The following MYT1L variants were observed in gnomAD, a reference collection of about 807,000 sequenced individuals.
The protein encoded by MYT1L is myelin transcription factor 1 like, also known as myelin transcription factor 1-like protein.
A neutral mutation model predicts 126.7 loss-of-function variants in MYT1L; 12 were observed. That is an observed-to-expected ratio of 0.09 (90% CI 0.06 to 0.15). The LOEUF is 0.15. Among genes scored for constraint, MYT1L ranks in the 10% least tolerant of loss-of-function variants. The probability of loss-of-function intolerance (pLI) is 1.00; values close to 1 mark genes in which losing one functional copy is unlikely to be tolerated. For synonymous variants in MYT1L, 541 were observed against 604.2 expected (o/e 0.90, Z 1.53); for missense variants, 979 against 1,585.2 (o/e 0.62, Z 6.49).
At chr2:1,985,787 G>C (rs1051794746) in intron 5 of MYT1L, among the ~76,000 whole-genome samples, 1 of 152,322 alleles carries the variant, frequency 6.6e-6, no homozygotes, top group South Asian at 2.1e-4. Flanking sequence ...AGGCCCCCTA[G>C]AGGGGAGCTC....
intron 4 of MYT1L, among the ~76,000 whole-genome samples, chr2:2,003,987 A>AT (rs1310391434): frequency 2.0e-5 from 3 of 150,248 alleles, no homozygotes; most frequent in Admixed American, 6.6e-5. Context: ...TCTTTCCTGC[A>AT]AGCGTTCTTT....
intron 21 of MYT1L, among the ~76,000 whole-genome samples, chr2:1,832,670 G>A (rs994678432): frequency 2.0e-5 from 3 of 152,162 alleles, no homozygotes; most frequent in African/African-American, 7.2e-5. Flanking sequence ...GGCCACCAAG[G>A]TGGTGCATTC....
chr2:2,122,803 G>C (rs573214392), intron 3 of MYT1L, among the ~76,000 whole-genome samples: 17 of 151,048 alleles, frequency 1.1e-4, no homozygotes, highest in Admixed American at 2.6e-4. Flanking sequence ...CTGGTGTTTT[G>C]TACAGAATTG....
chr2:1,903,556 T>C (rs1219873320), intron 13 of MYT1L, among the ~76,000 whole-genome samples: 2 of 152,170 alleles, frequency 1.3e-5, no homozygotes, highest in African/African-American at 4.8e-5. Context: ...CTTTTTTCCC[T>C]CTTTCCTGTA....
chr2:2,180,778 ACCTGTGTGTG>A (rs1332174876), intron 2 of MYT1L, among the ~76,000 whole-genome samples: 10 of 125,810 alleles, frequency 7.9e-5, no homozygotes, highest in African/African-American at 2.5e-4. Context: ...CTGTATTTGT[ACCTGTGTGTG>A]CCTGTGTGTG....
chr2:2,002,251 G>A (rs2062463952), intron 4 of MYT1L, among the ~76,000 whole-genome samples: 1 of 152,108 alleles, frequency 6.6e-6, no homozygotes, highest in African/African-American at 2.4e-5. Flanking sequence ...CATGAGACTT[G>A]GTGTGTGATT....
At chr2:1,894,824 C>A (rs756579021) in intron 14 of MYT1L, among the ~76,000 whole-genome samples, 1 of 152,184 alleles carries the variant, frequency 6.6e-6, no homozygotes, top group Non-Finnish European at 1.5e-5. Flanking sequence ...GACTTCTCGT[C>A]ATGAGCCCCT....
chr2:2,078,364 A>C (rs1293187493), intron 3 of MYT1L, among the ~76,000 whole-genome samples: 1 of 152,208 alleles, frequency 6.6e-6, no homozygotes, highest in Non-Finnish European at 1.5e-5. Context: ...ATAGAAATTG[A>C]TTAAACATCC....
At chr2:2,301,957 A>T (rs2095793326) in intron 1 of MYT1L, among the ~76,000 whole-genome samples, 1 of 152,168 alleles carries the variant, frequency 6.6e-6, no homozygotes, top group Admixed American at 6.5e-5. Context: ...TGTGTCAGGC[A>T]CTAAGTTAGA....
At chr2:2,320,311 A>G (rs2096139622) in intron 1 of MYT1L, among the ~76,000 whole-genome samples, 1 of 151,868 alleles carries the variant, frequency 6.6e-6, no homozygotes, top group Non-Finnish European at 1.5e-5. Flanking sequence ...TCTTTTTCCT[A>G]CTTTCTTTAG....
chr2:2,195,835 G>T (rs2092774694), intron 2 of MYT1L, among the ~76,000 whole-genome samples: 1 of 152,000 alleles, frequency 6.6e-6, no homozygotes, highest in African/African-American at 2.4e-5. Context: ...AATGGGCTAG[G>T]AGAAACTACC....
intron 14 of MYT1L, among the ~76,000 whole-genome samples, chr2:1,900,575 A>G (rs553425273): frequency 7.9e-5 from 12 of 152,266 alleles, no homozygotes; most frequent in African/African-American, 2.9e-4. Context: ...CTGGGATTAC[A>G]GGCGTGAGCC....
intron 3 of MYT1L, among the ~76,000 whole-genome samples, chr2:2,160,233 A>G (rs932983597): frequency 6.6e-6 from 1 of 152,090 alleles, no homozygotes; most frequent in African/African-American, 2.4e-5. Flanking sequence ...CAAAAACAAA[A>G]CCTCAGGAGA....
intron 18 of MYT1L, among the ~76,000 whole-genome samples, chr2:1,867,750 G>A (rs898234688): frequency 2.0e-5 from 3 of 152,102 alleles, no homozygotes; most frequent in Non-Finnish European, 4.4e-5. Context: ...ATTAGATATA[G>A]ATATGCTCAT....
rs1338128532 is a variant in MYT1L, at chr2:1,979,850, C to G, written c.1-73G>C. 3 of 1,470,130 alleles carry G rather than the reference C, an allele frequency of 2.0e-6. No individual in the cohort carries two copies. The highest frequency in any genetic ancestry group is 2.8e-6 in the Non-Finnish European group (3 of 1,056,290). 91.1% of individuals were successfully genotyped at this position (1,470,130 alleles called of 1,614,324 possible). On this transcript the variant is annotated intron_variant, in intron 5 of 24. Coordinates refer to ENST00000647738, the MANE Select transcript of MYT1L (RefSeq NM_001303052.2). The surrounding 1 kb of genome is among the most constrained non-coding windows in gnomAD (Gnocchi z 4.0). The stretch of plus-strand genomic sequence containing the variant: ...GCCAGCCCTGCAGGGGCGGCTCACT[C>G]TCCCTGGCATTCTATTAATGGGGCT...
At chr2:2,285,971 C>CTCT (rs1158870451) in intron 1 of MYT1L, among the ~76,000 whole-genome samples, 2 of 148,826 alleles carry the variant, frequency 1.3e-5, no homozygotes, top group Admixed American at 6.8e-5. Flanking sequence ...TTGTTCTTCA[C>CTCT]TCTTCTTCTT....
Position 2,011,404 on chromosome 2 carries a change from G to C in MYT1L, c.-157-14057C>G, listed in dbSNP as rs184926278. On this transcript the variant is annotated intron_variant, in intron 4 of 24. Coordinates refer to ENST00000647738, the MANE Select transcript of MYT1L (RefSeq NM_001303052.2). ...GGTGACAGAGCAAGACTCCATCTCA[G>C]AAAAAGAAAAAAAAAGAAAAAAAAG... Among the ~76,000 whole-genome samples the C allele has an allele frequency of 4.1e-4, 46 of 111,356 alleles. No homozygotes were observed. The East Asian group carries it at 0.011, about 27-fold the overall frequency. 73.1% of individuals were successfully genotyped at this position (111,356 alleles called of 152,430 possible).
intron 3 of MYT1L, among the ~76,000 whole-genome samples, chr2:2,115,299 C>T (rs1355258854): frequency 1.3e-5 from 2 of 152,226 alleles, no homozygotes; most frequent in Admixed American, 6.5e-5. Flanking sequence ...ACCAGTTTGT[C>T]CCCTGCTATA....
At chr2:2,103,188 C>A (rs946794162) in intron 3 of MYT1L, among the ~76,000 whole-genome samples, 2 of 152,134 alleles carry the variant, frequency 1.3e-5, no homozygotes, top group Admixed American at 1.3e-4. Context: ...AAATATTCAG[C>A]GCTGCAACCA....
Sources: gnomAD v4.1 joint callset for allele counts (sites outside exome capture counted in the v4.1 genomes callset) on GRCh38, gnomAD v4.1.1 for gene constraint, Gnocchi (gnomAD v3.1) non-coding constraint, MANE v1.5 for transcripts, NCBI Gene and HGNC (gene_info 2026-07-23, HGNC 2026-07-21) for gene names.